PRELID2: variants seen among roughly 807,000 people sequenced by gnomAD.
PRELID2 encodes PRELI domain-containing protein 2.
A neutral mutation model predicts 28.4 loss-of-function variants in PRELID2; 25 were observed. The ratio of observed to expected loss-of-function variants is 0.88; its 90% CI spans 0.64 to 1.23. The LOEUF (loss-of-function observed/expected upper bound fraction) is 1.23, where lower values mean the gene tolerates loss of function less well. Ranked by LOEUF, PRELID2 falls within the 50% of genes most tolerant of loss-of-function variation. The pLI is 0.00. For missense variants in PRELID2, 201 were observed against 214.4 expected, an observed-to-expected ratio of 0.94 and a Z score of 0.39; for synonymous variants, 76 against 71.6, an observed-to-expected ratio of 1.06 and a Z score of -0.31.
In PRELID2 at chr5:145,819,323, C is replaced by A. The variant is rs1474131647; in HGVS notation, c.207+622G>T. The A allele has an allele frequency of 4.4e-5, 50 of 1,138,408 alleles. No homozygotes were observed. The Middle Eastern group carries it at 2.0e-3, about 44-fold the overall frequency. The allele number at this position is 1,138,408 out of a possible 1,614,324, so 70.5% of individuals were successfully genotyped here. On this transcript the variant is annotated intron_variant, in intron 3 of 6. Coordinates refer to ENST00000683046, the MANE Select transcript of PRELID2 (RefSeq NM_205846.3). ...TGACTTCCTCATAGCTCTAAAAGGACTCCCACTGAAAATCCCTCTATGGGT... is the reference window on the plus strand; with the variant it reads ...TGACTTCCTCATAGCTCTAAAAGGAATCCCACTGAAAATCCCTCTATGGGT...
chr5:145,525,777 C>A lies in PRELID2; in HGVS notation n.71-52462G>T, dbSNP rs566118299. Among the ~76,000 whole-genome samples the A allele has an allele frequency of 1.7e-4, 26 of 152,228 alleles. No homozygotes were observed. In the South Asian group the frequency reaches 5.0e-3, roughly 29 times the overall value. ...TCAACAACTGCGAGAAACCAATAAC[C>A]ATTTATACTGGGGTTTGGAATAAAT... On this transcript the variant is annotated intron_variant and non_coding_transcript_variant, in intron 1 of 2. Coordinates refer to the PRELID2 transcript ENST00000510259.
At chr5:145,310,062 GTCTGTC>G in the PRELID2 span, among the ~76,000 whole-genome samples, 1 of 152,204 alleles carries the variant, frequency 6.6e-6, no homozygotes, top group African/African-American at 2.4e-5. Context: ...GGACAAGTTA[GTCTGTC>G]TCTAACTATT....
intron 1 of PRELID2, among the ~76,000 whole-genome samples, chr5:145,625,278 A>G (rs922402089): frequency 6.6e-6 from 1 of 152,134 alleles, no homozygotes; most frequent in Non-Finnish European, 1.5e-5. Context: ...CATTCATAAC[A>G]CTTGCTTCTT....
At chr5:145,401,773 A>C in the PRELID2 span, among the ~76,000 whole-genome samples, 3 of 152,146 alleles carry the variant, frequency 2.0e-5, no homozygotes, top group Admixed American at 6.5e-5. Context: ...TGATTTTTGC[A>C]CTGTCTCTCG....
intron 4 of PRELID2, among the ~76,000 whole-genome samples, chr5:145,806,500 A>G (rs1162626088): frequency 6.6e-6 from 1 of 152,190 alleles, no homozygotes; most frequent in East Asian, 1.9e-4. Context: ...AATACCACTT[A>G]AAGTACCTGC....
At chr5:145,466,026 G>A in the PRELID2 span, among the ~76,000 whole-genome samples, 13 of 152,120 alleles carry the variant, frequency 8.5e-5, no homozygotes, top group Admixed American at 3.3e-4. Context: ...GAGCTGAGAC[G>A]TGTCAGAATG....
intron 1 of PRELID2, among the ~76,000 whole-genome samples, chr5:145,707,282 G>A (rs1755573281): frequency 6.6e-6 from 1 of 152,174 alleles, no homozygotes; most frequent in Non-Finnish European, 1.5e-5. Context: ...CAATGATCGT[G>A]ACTGCACTCT....
At chr5:145,372,309 AC>A in the PRELID2 span, among the ~76,000 whole-genome samples, 1 of 152,012 alleles carries the variant, frequency 6.6e-6, no homozygotes, top group African/African-American at 2.4e-5. Context: ...GGTCTAAGAG[AC>A]TGTTTGTTAC....
chr5:145,645,576 A>G (rs1282307910), intron 1 of PRELID2, among the ~76,000 whole-genome samples: 1 of 151,968 alleles, frequency 6.6e-6, no homozygotes, highest in South Asian at 2.1e-4. Flanking sequence ...TCCTGTCCTT[A>G]TGATGCTAGA....
At chr5:145,438,220 C>A in the PRELID2 span, among the ~76,000 whole-genome samples, 1 of 151,888 alleles carries the variant, frequency 6.6e-6, no homozygotes, top group African/African-American at 2.4e-5. Flanking sequence ...TATCCCCCAA[C>A]AAATAAATCA....
chr5:145,277,658 T>C, the PRELID2 span, among the ~76,000 whole-genome samples: 1 of 152,130 alleles, frequency 6.6e-6, no homozygotes, highest in Non-Finnish European at 1.5e-5. Flanking sequence ...TGCTGACAGA[T>C]AATAAACCTC....
At chr5:145,279,175 T>C in the PRELID2 span, among the ~76,000 whole-genome samples, 1 of 152,186 alleles carries the variant, frequency 6.6e-6, no homozygotes, top group East Asian at 1.9e-4. Context: ...CTGATATTAC[T>C]TTCAATTGGC....
At chr5:145,509,880 A>G (rs1752445811) in intron 1 of PRELID2, among the ~76,000 whole-genome samples, 1 of 152,130 alleles carries the variant, frequency 6.6e-6, no homozygotes, top group Non-Finnish European at 1.5e-5. Flanking sequence ...ATAATATCTA[A>G]CCCTTAGAGT....
intron 1 of PRELID2, among the ~76,000 whole-genome samples, chr5:145,522,396 G>GACACAC (rs111725998): frequency 6.7e-6 from 1 of 150,100 alleles, no homozygotes; most frequent in Non-Finnish European, 1.5e-5. Flanking sequence ...TAGATACAGA[G>GACACAC]ACACACACAC....
intron 5 of PRELID2, among the ~76,000 whole-genome samples, chr5:145,768,763 C>T (rs996256087): frequency 2.0e-5 from 3 of 152,092 alleles, no homozygotes; most frequent in Non-Finnish European, 2.9e-5. Context: ...TGAGGTTTTC[C>T]TTGGGAATTG....
chr5:145,230,066 A>G, the PRELID2 span: 223 of 669,136 alleles, frequency 3.3e-4, 3 homozygotes, highest in South Asian at 3.1e-3. Context: ...CCCCTGTACC[A>G]TGAGGAGCTG....
the PRELID2 span, among the ~76,000 whole-genome samples, chr5:145,296,500 G>A: frequency 6.6e-6 from 1 of 151,976 alleles, no homozygotes; most frequent in African/African-American, 2.4e-5. Context: ...TTTCATCCAT[G>A]TCCATACAAA....
chr5:145,561,606 T>G (rs1009991918), intron 1 of PRELID2, among the ~76,000 whole-genome samples: 1 of 152,214 alleles, frequency 6.6e-6, no homozygotes, highest in Non-Finnish European at 1.5e-5. Flanking sequence ...AGAGGACAAT[T>G]AGGACAATTT....
At chr5:145,356,224 T>C in the PRELID2 span, among the ~76,000 whole-genome samples, 1 of 152,184 alleles carries the variant, frequency 6.6e-6, no homozygotes, top group African/African-American at 2.4e-5. Flanking sequence ...GTTGGGTTTA[T>C]AAAGTCTTCC....
Sources: gnomAD v4.1 joint callset for allele counts (sites outside exome capture counted in the v4.1 genomes callset) on GRCh38, gnomAD v4.1.1 for gene constraint, MANE v1.5 for transcripts, NCBI Gene and HGNC (gene_info 2026-07-23, HGNC 2026-07-21) for gene names.